Variants in MTMR4 observed in about 807,000 individuals in gnomAD.
The protein encoded by MTMR4 is phosphatidylinositol-3,5-bisphosphate 3-phosphatase MTMR4.
In MTMR4, 30 loss-of-function variants were observed where a neutral mutation model predicts 125.5. That is an observed-to-expected ratio of 0.24 (90% CI 0.18 to 0.32). MTMR4 has a LOEUF of 0.32. MTMR4 is among the 10% of genes least tolerant of loss of function. The pLI is 1.00. For missense variants in MTMR4, 1,039 were observed against 1,511.5 expected (o/e 0.69, Z 5.18); for synonymous variants, 498 against 564.5 (o/e 0.88, Z 1.67).
Position 58,514,599 on chromosome 17 carries a change from G to A in MTMR4, c.-192C>T, listed in dbSNP as rs1469223872. The A allele has an allele frequency of 2.0e-6, 2 of 985,112 alleles. No individual in the cohort carries two copies. Among genetic ancestry groups the A allele is most frequent in the Middle Eastern group, 5.2e-4 (1 of 1,936 alleles). 61.0% of individuals were successfully genotyped at this position (985,112 alleles called of 1,614,324 possible). Reference sequence around the variant, plus strand: ...TCCCCTCCTCTCCACAATGGAGCGGGCCCAGCTCCGCCCTCCCGCACGAGT... The same window carrying A: ...TCCCCTCCTCTCCACAATGGAGCGGACCCAGCTCCGCCCTCCCGCACGAGT... On this transcript the variant is annotated 5_prime_UTR_variant, in exon 1 of 18. Coordinates refer to ENST00000682306, the MANE Select transcript of MTMR4 (RefSeq NM_001378067.1).
upstream of MTMR4, chr17:58,515,200 G>T: frequency 6.3e-6 from 2 of 316,500 alleles, no homozygotes; most frequent in Non-Finnish European, 9.1e-6. Context: ...TCTTGGAGGA[G>T]AAAGGATTTC....
rs1286007900 is a variant in MTMR4, at chr17:58,504,081, T to C, written c.1667A>G (p.His556Arg). 3 of 1,578,256 alleles carry C rather than the reference T, an allele frequency of 1.9e-6. No individual in the cohort carries two copies. Among genetic ancestry groups the C allele is most frequent in the Non-Finnish European group, 2.6e-6 (3 of 1,163,948 alleles). The change falls in exon 13 of 18, where the codon CAT becomes CGT. Residue 556 changes from histidine to arginine, a missense_variant. His to Arg is a conservative substitution (Grantham distance 29). This residue lies in a region of MTMR4 where 619 missense variants were observed against 714.5 expected (regional missense o/e 0.87). Transcript: ENST00000682306. The surrounding 1 kb of genome is among the most constrained non-coding windows in gnomAD (Gnocchi z 7.1). ...ALLRAGNKNF[H>R]NFLYTPSSDM... ...TGAGCTGGGTGTGTAGAGGAAGTTA[T>C]GAAAGTTTTTATTGCCAGCTCGAAG...
rs139674521 is a variant in MTMR4, at chr17:58,504,164, G to A, written c.1584C>T (p.Asn528=). 6.2e-7 allele frequency: 1 copy of A among 1,612,970 alleles called. No homozygotes were observed. The change falls in exon 13 of 18, where the codon AAC becomes AAT. Residue 528 remains asparagine, a synonymous_variant. Coordinates refer to ENST00000682306, the MANE Select transcript of MTMR4 (RefSeq NM_001378067.1). This position sits in a 1 kb window ranked among gnomAD's most constrained non-coding sequence, Gnocchi z 7.1. Reference sequence around the variant, plus strand: ...TGTTGCGCTTCTCTCGCTCACAGGGGTTGTTGGCCAGGAAGGTGCCGTAGA... The same window carrying A: ...TGTTGCGCTTCTCTCGCTCACAGGGATTGTTGGCCAGGAAGGTGCCGTAGA... ...SCLYGTFLAN[N]PCEREKRNIY...
rs1225276183 is a variant in MTMR4, at chr17:58,495,213, C to T, written c.2971G>A (p.Gly991Arg). ...CTGGACAACCACATCTGGTTCTTTC[C>T]TCCTGGGCCAGTACAATGTCCATTG... Reference protein sequence around the residue: ...HSNGHCTGPGGKNQMWLSSHP... With the variant: ...HSNGHCTGPGRKNQMWLSSHP... The change falls in exon 15 of 18, where the codon GGA (glycine) becomes AGA (arginine). Residue 991 changes from glycine to arginine, a missense_variant. By Grantham distance (125) the Gly-to-Arg change is moderately radical (BLOSUM62 -2). Coordinates refer to ENST00000682306, the MANE Select transcript of MTMR4 (RefSeq NM_001378067.1). 6.2e-7 allele frequency: 1 copy of T among 1,614,088 alleles called. No individual in the cohort carries two copies. Among genetic ancestry groups the T allele is most frequent in the Admixed American group, 1.7e-5 (1 of 60,014 alleles).
At chr17:58,500,782 C>G (rs1300800116) in intron 14 of MTMR4, among the ~76,000 whole-genome samples, 1 of 148,618 alleles carries the variant, frequency 6.7e-6, no homozygotes, top group Admixed American at 6.7e-5. Context: ...GAATTGCTCT[C>G]TCTAGTTGTT....
intron 14 of MTMR4, among the ~76,000 whole-genome samples, chr17:58,499,604 C>T (rs1244398111): frequency 6.6e-6 from 1 of 151,912 alleles, no homozygotes; most frequent in Non-Finnish European, 1.5e-5. Flanking sequence ...CTCACAACTC[C>T]CTTTATTTCA....
chr17:58,490,431 C>G lies in MTMR4; in HGVS notation c.*1232G>C, dbSNP rs892135575. The G allele has an allele frequency of 1.3e-5, 2 of 152,596 alleles. No homozygotes were observed. The highest frequency in any genetic ancestry group is 4.8e-5 in the African/African-American group (2 of 41,512). 9.5% of individuals were successfully genotyped at this position (152,596 alleles called of 1,614,324 possible). On this transcript the variant is annotated 3_prime_UTR_variant, in exon 18 of 18. Coordinates refer to ENST00000682306, the MANE Select transcript of MTMR4 (RefSeq NM_001378067.1). ...AAAAACAAAAACAAAAACAAAAAAA[C>G]AAAATAAAATTTTTTAAAAACCAAC...
rs972871359 is a variant in MTMR4 at position 58,503,613 on chromosome 17, G to A, written c.1853+131C>T. 11 of 1,145,730 alleles carry A rather than the reference G, an allele frequency of 9.6e-6. No individual in the cohort carries two copies. The African/African-American group carries it at 1.6e-4, about 16-fold the overall frequency. 71.0% of individuals were successfully genotyped at this position (1,145,730 alleles called of 1,614,324 possible). On this transcript the variant is annotated intron_variant, in intron 14 of 17. Coordinates refer to ENST00000682306, the MANE Select transcript of MTMR4 (RefSeq NM_001378067.1). ...GCAGTGAGCCAAGATTGCACCACTGGCACTCCACCCTGGGCGACAAAGTGA... is the reference window on the plus strand; with the variant it reads ...GCAGTGAGCCAAGATTGCACCACTGACACTCCACCCTGGGCGACAAAGTGA...
chr17:58,500,275 C>T (rs1261598123), intron 14 of MTMR4, among the ~76,000 whole-genome samples: 2 of 152,190 alleles, frequency 1.3e-5, no homozygotes, highest in East Asian at 1.9e-4. Context: ...CACAGGCGCA[C>T]GCCACCATGC....
chr17:58,495,223 A>G lies in MTMR4; in HGVS notation c.2961T>C (p.Thr987=). The change falls in exon 15 of 18, where the codon ACT becomes ACC. Residue 987 remains threonine (T), a synonymous_variant. Transcript: ENST00000682306. ...VCSSHSNGHC[T]GPGGKNQMWL... ...ACATCTGGTTCTTTCCTCCTGGGCC[A>G]GTACAATGTCCATTGGAATGACTAG... is the stretch of plus-strand genomic sequence containing the variant. 6.2e-7 allele frequency: 1 copy of G among 1,614,210 alleles called. No homozygotes were observed. Among genetic ancestry groups the G allele is most frequent in the Non-Finnish European group, 8.5e-7 (1 of 1,180,030 alleles).
chr17:58,508,547 G>A lies in MTMR4; in HGVS notation c.514C>T (p.Arg172Ter). The part of the protein sequence containing the change: ...LCQPGEHIRC[R>*]QEAELARMGF... Reference sequence around the variant, plus strand: ...ATCCTTGCAAGCTCCGCCTCCTGTCGACAACGTATGTGCTCACCTGCAACA... The same window carrying A: ...ATCCTTGCAAGCTCCGCCTCCTGTCAACAACGTATGTGCTCACCTGCAACA... Residue 172 changes from arginine (R) to a stop codon, truncating the protein, a stop_gained, in exon 6 of 18, where the codon CGA becomes TGA. Transcript: ENST00000682306. LOFTEE classifies it high-confidence loss of function. The surrounding 1 kb of genome is among the most constrained non-coding windows in gnomAD (Gnocchi z 4.8). 1.9e-6 allele frequency: 3 copies of A among 1,614,194 alleles called. No homozygotes were observed. Among genetic ancestry groups the A allele is most frequent in the Non-Finnish European group, 2.5e-6 (3 of 1,180,054 alleles).
intron 4 of MTMR4, 61 bp downstream of exon 4, chr17:58,511,368 A>G: frequency 7.2e-7 from 1 of 1,395,276 alleles, no homozygotes. Context: ...GAAACCCTGC[A>G]GCACAGAGAA....
At position 58,512,695 on chromosome 17, in the gene MTMR4, C is replaced by T. The variant is rs978988155; in HGVS notation, c.135+157G>A. Among the ~76,000 whole-genome samples the T allele has an allele frequency of 1.3e-5, 2 of 152,190 alleles. No homozygotes were observed. Among genetic ancestry groups the T allele is most frequent in the African/African-American group, 4.8e-5 (2 of 41,446 alleles). On this transcript the variant is annotated intron_variant, in intron 2 of 17. Coordinates refer to ENST00000682306, the MANE Select transcript of MTMR4 (RefSeq NM_001378067.1). The surrounding 1 kb of genome is among the most constrained non-coding windows in gnomAD (Gnocchi z 4.1). The stretch of plus-strand genomic sequence containing the variant: ...GCCTTTCCTTCCCTGCGGCCAAAGG[C>T]TCCAGGATGCGCAGACAAACCCTCC...
chr17:58,514,012 T>C (rs1976011856), intron 1 of MTMR4: 1 of 152,488 alleles, frequency 6.6e-6, no homozygotes, highest in Non-Finnish European at 1.5e-5. Context: ...TTCAGCCTAC[T>C]AGCCACATCC....
chr17:58,492,580 T>C lies in MTMR4; in HGVS notation c.3383A>G (p.Asp1128Gly). ...KETEVTRWVP[D>G]HMASHCYNCD... ...GTTATAGCAGTGTGATGCCATATGG[T>C]CTGGAACCCAGCGAGTCACCTAATA... Residue 1128 changes from aspartate to glycine, a missense_variant, in exon 17 of 18, where the codon GAC (aspartate) becomes GGC (glycine). By Grantham distance (94) the Asp-to-Gly change is moderately conservative (BLOSUM62 -1). Coordinates refer to ENST00000682306, the MANE Select transcript of MTMR4 (RefSeq NM_001378067.1). 6.2e-7 allele frequency: 1 copy of C among 1,613,980 alleles called. No individual in the cohort carries two copies. The highest frequency in any genetic ancestry group is 8.5e-7 in the Non-Finnish European group (1 of 1,179,970).
In MTMR4 at chr17:58,492,382, G is replaced by T. The variant is rs557620006; in HGVS notation, c.3452+129C>A. On this transcript the variant is annotated intron_variant, in intron 17 of 17. Coordinates refer to ENST00000682306, the MANE Select transcript of MTMR4 (RefSeq NM_001378067.1). ...AGACAGGTTTTACCATGTTGGCCAGGATGGTCTCAATCTCCTCACCTCATG... is the reference window on the plus strand; with the variant it reads ...AGACAGGTTTTACCATGTTGGCCAGTATGGTCTCAATCTCCTCACCTCATG... 1.2e-3 allele frequency: 929 copies of T among 753,180 alleles called. 4 individuals are homozygous for T. The highest frequency in any genetic ancestry group is 2.1e-3 in the South Asian group (124 of 59,446). The allele number at this position is 753,180 out of a possible 1,614,324, so 46.7% of individuals were successfully genotyped here. A position where few individuals can be genotyped will look rare whatever the true frequency, so the allele number is the denominator to read the frequency against.
rs747843469 is a variant in MTMR4, at chr17:58,495,100, G to A, written c.3084C>T (p.Leu1028=). 3 of 1,614,178 alleles carry A rather than the reference G, an allele frequency of 1.9e-6. No homozygotes were observed. The highest frequency in any genetic ancestry group is 2.5e-6 in the Non-Finnish European group (3 of 1,180,034). The change falls in exon 15 of 18, where the codon CTC becomes CTT. Residue 1028 remains leucine (L), a synonymous_variant. Coordinates refer to ENST00000682306, the MANE Select transcript of MTMR4 (RefSeq NM_001378067.1). ...VPPLYLDDDG[L]PFPTDVIQHR... is the part of the protein sequence containing the mutation. ...GCTGGATCACATCCGTGGGAAAGGG[G>A]AGTCCATCATCATCCAAATACAGAG...
chr17:58,519,029 A>G (rs2042072425), upstream of MTMR4, among the ~76,000 whole-genome samples: 1 of 152,214 alleles, frequency 6.6e-6, no homozygotes. Flanking sequence ...TTAATTAAAT[A>G]CTGAACTCCT....
At chr17:58,515,047 C>A (rs2143944804), upstream of MTMR4, 1 of 985,400 alleles carries the variant, frequency 1.0e-6, no homozygotes, top group Non-Finnish European at 1.2e-6. Context: ...ACCTTTCTTT[C>A]CCCTTAGAAT....
Sources: allele counts gnomAD v4.1 joint callset (sites outside exome capture counted in the v4.1 genomes callset), GRCh38; gene constraint gnomAD v4.1.1; regional missense constraint gnomAD v4.1.1; non-coding constraint Gnocchi (gnomAD v3.1); transcripts MANE v1.5; gene names NCBI Gene and HGNC (gene_info 2026-07-23, HGNC 2026-07-21).